ERICH3: variants seen among roughly 807,000 people sequenced by gnomAD.
The protein encoded by ERICH3 is glutamate-rich protein 3.
In ERICH3, 126 loss-of-function variants were observed where a neutral mutation model predicts 131.1. The ratio of observed to expected loss-of-function variants is 0.96; its 90% CI spans 0.83 to 1.11. The LOEUF (loss-of-function observed/expected upper bound fraction) is 1.11, where lower values mean the gene tolerates loss of function less well. Among genes scored for constraint, ERICH3 ranks in the 50% most tolerant of loss-of-function variants. The pLI is 0.00. For missense variants in ERICH3, 2,050 were observed against 1,810.7 expected (o/e 1.13, Z -2.40); for synonymous variants, 695 against 644.6 (o/e 1.08, Z -1.18).
chr1:74,572,735 G>A lies in ERICH3; in HGVS notation c.2975C>T (p.Thr992Ile). The A allele has an allele frequency of 6.2e-7, 1 of 1,613,836 alleles. No homozygotes were observed. Among genetic ancestry groups the A allele is most frequent in the Non-Finnish European group, 8.5e-7 (1 of 1,179,970 alleles). The change falls in exon 14 of 15, where the codon ACA becomes ATA. Residue 992 changes from threonine (T) to isoleucine (I), a missense_variant. Coordinates refer to ENST00000326665, the MANE Select transcript of ERICH3 (RefSeq NM_001002912.5). ...CTCTCCTGTGAAGGGGCTCAAGCGTGTTTCTGTTCTCATAACCTCTTTTCT... is the reference window on the plus strand; with the variant it reads ...CTCTCCTGTGAAGGGGCTCAAGCGTATTTCTGTTCTCATAACCTCTTTTCT... ...KERKEVMRTE[T>I]RLSPFTGEAE...
intron 1 of ERICH3, among the ~76,000 whole-genome samples, chr1:74,669,886 T>C (rs971514390): frequency 6.6e-6 from 1 of 152,204 alleles, no homozygotes; most frequent in African/African-American, 2.4e-5. Flanking sequence ...AAAATTTTTG[T>C]TTTAGTGTAT....
intron 1 of ERICH3, among the ~76,000 whole-genome samples, chr1:74,657,247 G>T (rs1646593495): frequency 2.0e-5 from 3 of 151,856 alleles, no homozygotes; most frequent in African/African-American, 7.3e-5. Flanking sequence ...TCTTGTGTTT[G>T]AAAAAATGGT....
intron 1 of ERICH3, among the ~76,000 whole-genome samples, chr1:74,661,922 A>AT (rs1335521032): frequency 2.6e-5 from 4 of 152,130 alleles, no homozygotes; most frequent in African/African-American, 4.8e-5. Context: ...CTGGACATTG[A>AT]TTTTTTTCTC....
intron 12 of ERICH3, chr1:74,586,435 C>A: frequency 1.7e-5 from 17 of 984,188 alleles, no homozygotes; most frequent in Non-Finnish European, 2.1e-5. Flanking sequence ...CCACCGTTAT[C>A]CCTGGAGAAA....
At chr1:74,600,653 T>C (rs1648085497) in intron 10 of ERICH3, among the ~76,000 whole-genome samples, 1 of 151,854 alleles carries the variant, frequency 6.6e-6, no homozygotes, top group Non-Finnish European at 1.5e-5. Flanking sequence ...AAAAGGAAAT[T>C]GTCACATCAG....
intron 9 of ERICH3, 66 bp from the exon 10 acceptor site, chr1:74,606,968 T>A (rs1641666066): frequency 1.2e-5 from 17 of 1,410,292 alleles, no homozygotes; most frequent in Non-Finnish European, 1.6e-5. Flanking sequence ...ACCTCAAAGC[T>A]TTTGAAAGCA....
chr1:74,646,921 GAGAA>G (rs1399781728), intron 2 of ERICH3, 129 bp from the exon 3 acceptor site: 3 of 180,916 alleles, frequency 1.7e-5, no homozygotes, highest in Non-Finnish European at 2.2e-5. Flanking sequence ...CACACAGAGA[GAGAA>G]AGAGAGAGAG....
chr1:74,588,134 C>T (rs1647418705), intron 12 of ERICH3, among the ~76,000 whole-genome samples: 1 of 152,172 alleles, frequency 6.6e-6, no homozygotes, highest in South Asian at 2.1e-4. Flanking sequence ...AGGTCATATG[C>T]ATTGCTATAC....
At position 74,612,831 on chromosome 1, in the gene ERICH3, A is replaced by G. The variant is rs376854932; in HGVS notation, c.1001-22T>C. 1.9e-6 allele frequency: 3 copies of G among 1,540,922 alleles called. No individual in the cohort carries two copies. In the African/African-American group the frequency reaches 4.1e-5, roughly 21 times the overall value. ...GTCTCTGGAATTAAAATAGAAATAC[A>G]TTAGTGAAAGCAACTGACTTCGGAC... is the stretch of plus-strand genomic sequence containing the variant. On this transcript the variant is annotated intron_variant, in intron 8 of 14. Coordinates refer to ENST00000326665, the MANE Select transcript of ERICH3 (RefSeq NM_001002912.5).
chr1:74,612,738 G>T lies in ERICH3; in HGVS notation c.1072C>A (p.Gln358Lys). 6.2e-7 allele frequency: 1 copy of T among 1,602,900 alleles called. No individual in the cohort carries two copies. Among genetic ancestry groups the T allele is most frequent in the South Asian group, 1.1e-5 (1 of 89,958 alleles). ...FSLTFFLNGMQVNRLSSCCEY... is the reference protein window; with the variant it reads ...FSLTFFLNGMKVNRLSSCCEY... ...CAACAGGAGCTTAACCTGTTCACCT[G>T]CATCCCATTCAGGAAAAAGGTGAGA... The change falls in exon 9 of 15, where the codon CAG becomes AAG. Residue 358 changes from glutamine to lysine, a missense_variant. Transcript: ENST00000326665.
At chr1:74,638,493 A>T (rs1646410607) in intron 5 of ERICH3, among the ~76,000 whole-genome samples, 1 of 152,238 alleles carries the variant, frequency 6.6e-6, no homozygotes, top group East Asian at 1.9e-4. Flanking sequence ...ACAAGAGAAG[A>T]AAGTGGATAA....
In ERICH3 at chr1:74,571,536, C is replaced by A; in HGVS notation, c.4174G>T (p.Glu1392Ter). 6.2e-7 allele frequency: 1 copy of A among 1,614,178 alleles called. No homozygotes were observed. The highest frequency in any genetic ancestry group is 8.5e-7 in the Non-Finnish European group (1 of 1,180,008). The change falls in exon 14 of 15, where the codon GAG becomes TAG. Residue 1392 changes from glutamate to a stop codon, truncating the protein, a stop_gained. Transcript: ENST00000326665. LOFTEE classifies it high-confidence loss of function. Reference protein sequence around the residue: ...AEEETWHQQDELVGKTAAAGK... With the variant: ...AEEETWHQQD ...GCAGCTGCTGTTTTTCCTACTAACTCATCCTGTTGGTGCCAGGTTTCTTCC... is the reference window on the plus strand; with the variant it reads ...GCAGCTGCTGTTTTTCCTACTAACTAATCCTGTTGGTGCCAGGTTTCTTCC...
intron 7 of ERICH3, chr1:74,624,107 G>A (rs1401365698): frequency 6.6e-6 from 1 of 152,148 alleles, no homozygotes; most frequent in African/African-American, 2.4e-5. Context: ...GGAACAATTA[G>A]GCATTCCATA....
At position 74,571,713 on chromosome 1, in the gene ERICH3, C is replaced by A. The variant is rs1384815470; in HGVS notation, c.3997G>T (p.Gly1333Ter). The stretch of plus-strand genomic sequence containing the variant: ...TCCACAGCCACAACCCTTCCTCCTC[C>A]CATGCCCTCATTCTTTTGTGTGTTT... ...EGNTQKNEGMGGGRVVAVEVL... is the reference protein window; with the variant it reads ...EGNTQKNEGM The change falls in exon 14 of 15, where the codon GGA becomes TGA. Residue 1333 changes from glycine (G) to a stop codon, truncating the protein, a stop_gained. Transcript: ENST00000326665. LOFTEE classifies it high-confidence loss of function. 6.2e-7 allele frequency: 1 copy of A among 1,614,154 alleles called. No homozygotes were observed. The highest frequency in any genetic ancestry group is 8.5e-7 in the Non-Finnish European group (1 of 1,180,032).
intron 7 of ERICH3, 132 bp from the exon 8 acceptor site, chr1:74,621,046 AT>A: frequency 1.4e-6 from 1 of 711,256 alleles, no homozygotes; most frequent in Non-Finnish European, 2.1e-6. Context: ...TAAAGTGTCA[AT>A]TTACAAATGC....
At position 74,572,240 on chromosome 1, in the gene ERICH3, A is replaced by G; in HGVS notation, c.3470T>C (p.Phe1157Ser). The G allele has an allele frequency of 1.2e-6, 2 of 1,614,088 alleles. No individual in the cohort carries two copies. The highest frequency in any genetic ancestry group is 2.2e-5 in the South Asian group (2 of 91,072). Reference sequence around the variant, plus strand: ...CTTTTCAAATCCAGGCGTTGCTTCAAATATGGGAACCACTGTCTCTTTTAG... The same window carrying G: ...CTTTTCAAATCCAGGCGTTGCTTCAGATATGGGAACCACTGTCTCTTTTAG... ...DSLKETVVPI[F>S]EATPGFEKSL... is the part of the protein sequence containing the mutation. Residue 1157 changes from phenylalanine (F) to serine (S), a missense_variant, in exon 14 of 15, where the codon TTT (phenylalanine) becomes TCT (serine). Physicochemically the swap from Phe to Ser is radical, Grantham distance 155. Transcript: ENST00000326665.
rs540587770 is a variant in ERICH3 at position 74,594,636 on chromosome 1, T to A, written c.1727-4556A>T. Among the ~76,000 whole-genome samples the A allele has an allele frequency of 6.6e-5, 10 of 152,242 alleles. No homozygotes were observed. The South Asian group carries it at 1.2e-3, about 19-fold the overall frequency. ...GACTAATTATCCACCTCCGTTCGCA[T>A]GAGGGAAATAGATCCACTGTACATG... On this transcript the variant is annotated intron_variant, in intron 11 of 14. Coordinates refer to ENST00000326665, the MANE Select transcript of ERICH3 (RefSeq NM_001002912.5).
At chr1:74,595,498 A>G (rs1647804877) in intron 11 of ERICH3, among the ~76,000 whole-genome samples, 1 of 152,104 alleles carries the variant, frequency 6.6e-6, no homozygotes. Context: ...GGAGAATAAA[A>G]TAAAATGTTC....
chr1:74,586,902 A>G (rs1022596811), intron 12 of ERICH3, among the ~76,000 whole-genome samples: 1 of 152,236 alleles, frequency 6.6e-6, no homozygotes, highest in East Asian at 1.9e-4. Flanking sequence ...AAATGTTAAA[A>G]GTGATCTTTT....
Sources: allele counts gnomAD v4.1 joint callset (sites outside exome capture counted in the v4.1 genomes callset), GRCh38; gene constraint gnomAD v4.1.1; transcripts MANE v1.5; gene names NCBI Gene and HGNC (gene_info 2026-07-23, HGNC 2026-07-21).